The following PUM1 variants were observed in gnomAD, a reference collection of about 807,000 sequenced individuals.
PUM1 encodes the protein pumilio RNA binding family member 1, also known as pumilio homolog 1.
In PUM1, 13 loss-of-function variants were observed where a neutral mutation model predicts 131.8. The observed-to-expected ratio is 0.10, with a 90% CI of 0.06 to 0.16. The LOEUF is 0.16. Ranked by LOEUF, PUM1 falls within the 10% of genes least tolerant of loss-of-function variation. The pLI, the probability that PUM1 is intolerant of heterozygous loss-of-function variation, is 1.00. For synonymous variants in PUM1, 509 were observed against 556.5 expected (o/e 0.91, Z 1.20); for missense variants, 961 against 1,512.4 (o/e 0.64, Z 6.05).
chr1:30,989,989 T>A (rs1412131105), intron 7 of PUM1, among the ~76,000 whole-genome samples: 1 of 152,182 alleles, frequency 6.6e-6, no homozygotes, highest in Non-Finnish European at 1.5e-5. Context: ...AATATTAAGT[T>A]CTGATCCAAG....
intron 9 of PUM1, among the ~76,000 whole-genome samples, chr1:30,977,747 C>G (rs1373317263): frequency 2.6e-5 from 4 of 152,320 alleles, no homozygotes; most frequent in East Asian, 1.9e-4. Context: ...TCAGTGACAG[C>G]AGCAGTGTCA....
intron 3 of PUM1, among the ~76,000 whole-genome samples, chr1:31,009,280 C>T (rs1198312497): frequency 3.3e-5 from 5 of 151,564 alleles, no homozygotes; most frequent in East Asian, 1.9e-4. Flanking sequence ...TTTTTTCTCC[C>T]GTATTTTGTG....
chr1:30,934,754 C>T (rs371524355), intron 21 of PUM1, among the ~76,000 whole-genome samples: 1 of 152,232 alleles, frequency 6.6e-6, no homozygotes, highest in East Asian at 1.9e-4. Flanking sequence ...ATCCATTCCT[C>T]TGTCCCTGGA....
intron 18 of PUM1, among the ~76,000 whole-genome samples, chr1:30,944,160 G>A (rs1639574044): frequency 6.6e-6 from 1 of 152,104 alleles, no homozygotes; most frequent in Non-Finnish European, 1.5e-5. Flanking sequence ...CACGTGGGTT[G>A]CTGTCAGTGA....
At position 30,932,955 on chromosome 1, in the gene PUM1, C is replaced by G. The variant is rs912732437; in HGVS notation, c.*256G>C. On this transcript the variant is annotated 3_prime_UTR_variant, in exon 22 of 22. Transcript: ENST00000426105. ...CCCATGTACATTGGTTACCTATGTA[C>G]AAGTATCCTATACACCAGTAAAACA... The G allele has an allele frequency of 3.0e-6, 1 of 330,332 alleles. No homozygotes were observed. The highest frequency in any genetic ancestry group is 5.5e-6 in the Non-Finnish European group (1 of 183,146). The allele number at this position is 330,332 out of a possible 1,614,324, so 20.5% of individuals were successfully genotyped here.
chr1:30,954,010 G>A (rs748400569), intron 14 of PUM1, 29 bp from the exon 15 acceptor site: 3 of 1,599,244 alleles, frequency 1.9e-6, no homozygotes, highest in South Asian at 1.1e-5. Flanking sequence ...GATAACTTAA[G>A]ACCACTCTTC....
rs142262972 is a variant in PUM1 at position 31,042,776 on chromosome 1, T to G, written c.364-13912A>C. Among the ~76,000 whole-genome samples, 298 of 152,384 alleles carry G rather than the reference T, an allele frequency of 2.0e-3. 2 individuals are homozygous for G. The highest frequency in any genetic ancestry group is 4.6e-3 in the Admixed American group (71 of 15,312). ...GGCTACACTGAACTTAAAGACCATT[T>G]TCTTAAAAGACAGGGTCTCGCTCTG... On this transcript the variant is annotated intron_variant, in intron 2 of 21. Coordinates refer to ENST00000426105, the MANE Select transcript of PUM1 (RefSeq NM_001020658.2).
At chr1:30,945,220 T>TGGGATCCAGTCTCAAAAAAAATAAAG in intron 18 of PUM1, 126 bp downstream of exon 18, 2 of 1,080,586 alleles carry the variant, frequency 1.9e-6, no homozygotes, top group East Asian at 5.1e-5. Context: ...GGCAACAGAG[T>TGGGATCCAGTCTCAAAAAAAATAAAG]GGGATCCAGT....
At chr1:30,983,397 T>C (rs755096097) in intron 7 of PUM1, among the ~76,000 whole-genome samples, 7 of 152,242 alleles carry the variant, frequency 4.6e-5, no homozygotes, top group Non-Finnish European at 7.3e-5. Context: ...TGCTTCTCTC[T>C]ACCCTTCTTT....
intron 10 of PUM1, among the ~76,000 whole-genome samples, chr1:30,971,218 C>G (rs1640860403): frequency 6.6e-6 from 1 of 152,116 alleles, no homozygotes; most frequent in Admixed American, 6.5e-5. Context: ...CATATACTTT[C>G]TGATAAAATA....
intron 2 of PUM1, among the ~76,000 whole-genome samples, chr1:31,054,967 CT>C (rs1644204394): frequency 6.6e-6 from 1 of 152,166 alleles, no homozygotes; most frequent in Non-Finnish European, 1.5e-5. Context: ...GTAACAAAGC[CT>C]CAGTTTCTCA....
chr1:30,968,220 G>GT, intron 11 of PUM1, 134 bp downstream of exon 11: 2 of 1,204,948 alleles, frequency 1.7e-6, no homozygotes, highest in Non-Finnish European at 2.4e-6. Context: ...GGGCAAGTGT[G>GT]TATCATCCTT....
chr1:30,941,047 G>A, intron 20 of PUM1, 104 bp downstream of exon 20: 2 of 1,339,484 alleles, frequency 1.5e-6, no homozygotes, highest in Non-Finnish European at 2.0e-6. Context: ...TATATACTTT[G>A]AAAACAACAA....
chr1:30,983,972 A>C (rs1359440328), intron 7 of PUM1, among the ~76,000 whole-genome samples: 8 of 152,130 alleles, frequency 5.3e-5, no homozygotes, highest in Non-Finnish European at 1.2e-4. Flanking sequence ...TATACACGGA[A>C]ATACATGGCA....
intron 9 of PUM1, among the ~76,000 whole-genome samples, chr1:30,978,354 G>A (rs939965201): frequency 1.3e-5 from 2 of 152,190 alleles, no homozygotes; most frequent in Admixed American, 1.3e-4. Context: ...TCAGGACAAT[G>A]CCTGACAAAA....
intron 9 of PUM1, among the ~76,000 whole-genome samples, chr1:30,975,850 G>A (rs981574887): frequency 3.3e-5 from 5 of 152,044 alleles, no homozygotes; most frequent in Non-Finnish European, 7.4e-5. Context: ...GGGAGGCCAA[G>A]TTGGGTGGAT....
Position 31,052,988 on chromosome 1 carries a change from G to A in PUM1, c.363+6216C>T, listed in dbSNP as rs569618905. ...AAAAGTGCTGGGATTACAGGCATAA[G>A]CCACCACGCCTGGCCCAATATCCAT... On this transcript the variant is annotated intron_variant, in intron 2 of 21. Coordinates refer to ENST00000426105, the MANE Select transcript of PUM1 (RefSeq NM_001020658.2). 1.1e-3 allele frequency among the ~76,000 whole-genome samples: 169 copies of A among 150,536 alleles called. 1 individual carries two copies. Among genetic ancestry groups the A allele is most frequent in the Middle Eastern group, 6.9e-3 (2 of 288 alleles).
chr1:30,936,561 G>A, intron 21 of PUM1, 82 bp downstream of exon 21: 1 of 1,340,082 alleles, frequency 7.5e-7, no homozygotes, highest in African/African-American at 1.5e-5. Flanking sequence ...AAAAACAGCA[G>A]GGCACCCACC....
chr1:31,041,832 C>T (rs1643825711), intron 2 of PUM1, among the ~76,000 whole-genome samples: 1 of 151,946 alleles, frequency 6.6e-6, no homozygotes, highest in South Asian at 2.1e-4. Flanking sequence ...CTCCTATATT[C>T]CTTTATAGCA....
Sources: allele counts gnomAD v4.1 joint callset (sites outside exome capture counted in the v4.1 genomes callset), GRCh38; gene constraint gnomAD v4.1.1; transcripts MANE v1.5; gene names NCBI Gene and HGNC (gene_info 2026-07-23, HGNC 2026-07-21).